Variants in PIGL observed in about 807,000 individuals in gnomAD.
The protein encoded by PIGL is N-acetylglucosaminyl-phosphatidylinositol de-N-acetylase.
A neutral mutation model predicts 31.1 loss-of-function variants in PIGL; 22 were observed. The ratio of observed to expected loss-of-function variants is 0.71; its 90% CI spans 0.51 to 1.01. PIGL has a LOEUF of 1.01. PIGL is among the 50% of genes least tolerant of loss of function. PIGL has a pLI of 0.00. For missense variants in PIGL, 302 were observed against 315.9 expected, an observed-to-expected ratio of 0.96 and a Z score of 0.33; for synonymous variants, 131 against 117.4, an observed-to-expected ratio of 1.12 and a Z score of -0.75.
At chr17:16,323,534 G>A (rs768019148) in intron 6 of PIGL, among the ~76,000 whole-genome samples, 16 of 150,534 alleles carry the variant, frequency 1.1e-4, no homozygotes, top group South Asian at 4.2e-4. Context: ...GTGCCCTGCC[G>A]TGTATGGGGC....
chr17:16,217,621 G>GATCTACA, intron 1 of PIGL, 160 bp downstream of exon 1: 2 of 577,262 alleles, frequency 3.5e-6, no homozygotes, highest in South Asian at 2.6e-5. Flanking sequence ...GACAGGAGCG[G>GATCTACA]CCGGCTTACC....
At chr17:16,277,932 A>C (rs72838726) in intron 2 of PIGL, among the ~76,000 whole-genome samples, 3,405 of 152,314 alleles carry the variant, frequency 0.022, 60 homozygotes, top group South Asian at 0.042. Context: ...TAACATATTT[A>C]TACAAATACA....
rs2092903752 is a variant in PIGL, at chr17:16,278,265, A to G, written c.336-21623A>G. On this transcript the variant is annotated intron_variant, in intron 2 of 6. Coordinates refer to ENST00000225609, the MANE Select transcript of PIGL (RefSeq NM_004278.4). The stretch of plus-strand genomic sequence containing the variant: ...GAAACAGGGTTTCGCCATGTTGGCC[A>G]GGCACAGGGACCTCAACAGCACATG... Among the ~76,000 whole-genome samples the G allele has an allele frequency of 1.3e-5, 2 of 152,198 alleles. 1 individual carries two copies. The highest frequency in any genetic ancestry group is 4.1e-4 in the South Asian group (2 of 4,832).
intron 2 of PIGL, among the ~76,000 whole-genome samples, chr17:16,269,397 C>T (rs1177674817): frequency 6.6e-6 from 1 of 152,140 alleles, no homozygotes; most frequent in African/African-American, 2.4e-5. Context: ...CCTGCAATCC[C>T]AGCACTTTGG....
intron 6 of PIGL, among the ~76,000 whole-genome samples, chr17:16,324,734 G>A (rs1371260036): frequency 6.6e-6 from 1 of 152,118 alleles, no homozygotes; most frequent in East Asian, 1.9e-4. Context: ...GCTTAGAGAG[G>A]CAAGTTAATT....
At chr17:16,304,652 T>G (rs2093019224) in intron 3 of PIGL, among the ~76,000 whole-genome samples, 1 of 152,162 alleles carries the variant, frequency 6.6e-6, no homozygotes, top group Non-Finnish European at 1.5e-5. Context: ...CTACCATCCT[T>G]GGAAAGCAGC....
intron 6 of PIGL, among the ~76,000 whole-genome samples, chr17:16,323,305 C>T (rs143200672): frequency 0.01 from 1,585 of 152,016 alleles, 31 homozygotes; most frequent in African/African-American, 0.036. Context: ...GCGATCTTGG[C>T]TCACTGCAAC....
At position 16,325,892 on chromosome 17, in the gene PIGL, C is replaced by T; in HGVS notation, c.753C>T (p.Phe251=). The part of the protein sequence containing the change: ...SRYMRINSLS[F]L Reference sequence around the variant, plus strand: ...ACATGAGAATCAACTCACTGAGCTTCCTCTGAAGCCTTGAAGGGTTTTCAG... The same window carrying T: ...ACATGAGAATCAACTCACTGAGCTTTCTCTGAAGCCTTGAAGGGTTTTCAG... Residue 251 remains phenylalanine (F), a synonymous_variant, in exon 7 of 7, where the codon TTC becomes TTT. Transcript: ENST00000225609. The T allele has an allele frequency of 6.2e-7, 1 of 1,610,168 alleles. No homozygotes were observed. Among genetic ancestry groups the T allele is most frequent in the Non-Finnish European group, 8.5e-7 (1 of 1,176,436 alleles).
chr17:16,291,392 A>G (rs1176417494), intron 2 of PIGL, among the ~76,000 whole-genome samples: 1 of 151,486 alleles, frequency 6.6e-6, no homozygotes, highest in Non-Finnish European at 1.5e-5. Flanking sequence ...CTGTAGTCCC[A>G]GCTACTCAGG....
At chr17:16,232,136 G>A (rs1406850224) in intron 1 of PIGL, among the ~76,000 whole-genome samples, 4 of 152,026 alleles carry the variant, frequency 2.6e-5, no homozygotes, top group Admixed American at 2.6e-4. Flanking sequence ...AAATTAGCCA[G>A]GCGTGGTGGT....
intron 2 of PIGL, among the ~76,000 whole-genome samples, chr17:16,275,907 A>C (rs1458009189): frequency 2.0e-5 from 3 of 152,050 alleles, no homozygotes; most frequent in Non-Finnish European, 4.4e-5. Context: ...GCCTGTAATC[A>C]CAGCTACTCA....
At chr17:16,318,357 G>A (rs1454783308) in intron 6 of PIGL, among the ~76,000 whole-genome samples, 7 of 150,860 alleles carry the variant, frequency 4.6e-5, no homozygotes, top group South Asian at 2.1e-4. Context: ...TGCAACCTCC[G>A]CCTCCTGGGT....
At chr17:16,274,153 G>A (rs1001308395) in intron 2 of PIGL, among the ~76,000 whole-genome samples, 2 of 152,160 alleles carry the variant, frequency 1.3e-5, no homozygotes, top group East Asian at 3.9e-4. Context: ...CTGGTCAGTT[G>A]GGAACCAAGG....
chr17:16,300,765 C>T (rs1033405387), intron 3 of PIGL, among the ~76,000 whole-genome samples: 7 of 151,686 alleles, frequency 4.6e-5, no homozygotes, highest in African/African-American at 1.5e-4. Context: ...CCAAGGTAAA[C>T]AAGTGGTGGT....
intron 2 of PIGL, among the ~76,000 whole-genome samples, chr17:16,298,059 GC>G (rs1422019825): frequency 5.9e-5 from 9 of 152,098 alleles, no homozygotes; most frequent in Non-Finnish European, 1.3e-4. Context: ...AGGATCTAAT[GC>G]CCCCCACCCC....
At position 16,320,205 on chromosome 17, in the gene PIGL, GGAAGGAAGGAA is replaced by G. The variant is rs1340101015; in HGVS notation, c.660+2299_660+2309del. Among the ~76,000 whole-genome samples the G allele has an allele frequency of 8.2e-3, 25 of 3,050 alleles. 2 individuals carry two copies. In the East Asian group the frequency reaches 0.34, roughly 41 times the overall value. The allele number at this position is 3,050 out of a possible 152,430, so 2.0% of individuals were successfully genotyped here. A position where few individuals can be genotyped will look rare whatever the true frequency, so the allele number is the denominator to read the frequency against. The stretch of plus-strand genomic sequence containing the variant: ...GAAGGAGAGAGTGAGAGAAAGAAAA[GGAAGGAAGGAA>G]GGAAGGAAGGAAGGAAGGAAGGAAG... On this transcript the variant is annotated intron_variant, in intron 6 of 6. Transcript: ENST00000225609.
chr17:16,258,099 GAGAA>G lies in PIGL; in HGVS notation c.335+24033_335+24036del, dbSNP rs1212121120. Among the ~76,000 whole-genome samples, 328 of 105,298 alleles carry G rather than the reference GAGAA, an allele frequency of 3.1e-3. 2 individuals are homozygous for G. Among genetic ancestry groups the G allele is most frequent in the African/African-American group, 8.0e-3 (215 of 26,804 alleles). The allele number at this position is 105,298 out of a possible 152,430, so 69.1% of individuals were successfully genotyped here. A position where few individuals can be genotyped will look rare whatever the true frequency, so the allele number is the denominator to read the frequency against. On this transcript the variant is annotated intron_variant, in intron 2 of 6. Transcript: ENST00000225609. ...AGAGAGAGAGAGAGAGAGAGAGAGA[GAGAA>G]AGAGAGAGAGAGAGAGAGAGAAAGA...
intron 2 of PIGL, among the ~76,000 whole-genome samples, chr17:16,287,796 G>A (rs530892865): frequency 6.6e-6 from 1 of 152,166 alleles, no homozygotes; most frequent in Non-Finnish European, 1.5e-5. Context: ...TATTTCATAA[G>A]CCACAATTCA....
chr17:16,235,273 A>G (rs1010686228), intron 2 of PIGL, among the ~76,000 whole-genome samples: 1 of 152,162 alleles, frequency 6.6e-6, no homozygotes, highest in Non-Finnish European at 1.5e-5. Flanking sequence ...GTTTACTCAA[A>G]TCAGGATTTC....
Sources: allele counts gnomAD v4.1 joint callset (sites outside exome capture counted in the v4.1 genomes callset), GRCh38; gene constraint gnomAD v4.1.1; transcripts MANE v1.5; gene names NCBI Gene and HGNC (gene_info 2026-07-23, HGNC 2026-07-21).